SPATA18: variants seen among roughly 807,000 people sequenced by gnomAD.
SPATA18 encodes mitochondria-eating protein.
In SPATA18, 54 loss-of-function variants were observed where a neutral mutation model predicts 68.1. That is an observed-to-expected ratio of 0.79 (90% CI 0.64 to 0.99). The LOEUF (loss-of-function observed/expected upper bound fraction) is 0.99, where lower values mean the gene tolerates loss of function less well. Ranked by LOEUF, SPATA18 falls within the 50% of genes least tolerant of loss-of-function variation. The pLI is 0.00. For synonymous variants in SPATA18, 242 were observed against 244.8 expected (o/e 0.99, Z 0.11); for missense variants, 724 against 681.1 (o/e 1.06, Z -0.70).
At position 52,079,947 on chromosome 4, in the gene SPATA18, G is replaced by A. The variant is rs776043606; in HGVS notation, c.1355+28G>A. ...AAGAGACACAGGAGCAGAAGCTAAG[G>A]GATTTATCATGAATACATTGTCTTG... On this transcript the variant is annotated intron_variant, in intron 9 of 12. Transcript: ENST00000295213. The A allele has an allele frequency of 4.4e-6, 7 of 1,598,080 alleles. No individual in the cohort carries two copies. In the South Asian group the frequency reaches 5.6e-5, roughly 13 times the overall value.
At chr4:52,084,879 CCTGA>C (rs1741278191) in intron 10 of SPATA18, 33 bp from the exon 11 acceptor site, 1 of 1,605,332 alleles carries the variant, frequency 6.2e-7, no homozygotes, top group African/African-American at 1.3e-5. Context: ...TTCACAAACT[CCTGA>C]CTATGTCTCT....
chr4:52,067,357 T>C (rs1739400044), intron 4 of SPATA18, among the ~76,000 whole-genome samples: 1 of 152,196 alleles, frequency 6.6e-6, no homozygotes, highest in African/African-American at 2.4e-5. Flanking sequence ...TGTTTGTTTT[T>C]TTCTTTTAAG....
chr4:52,075,314 G>T (rs1212260547), intron 6 of SPATA18, among the ~76,000 whole-genome samples: 1 of 152,158 alleles, frequency 6.6e-6, no homozygotes, highest in African/African-American at 2.4e-5. Flanking sequence ...TAATGAAAAA[G>T]AATGTGCCAA....
Position 52,060,451 on chromosome 4 carries a change from C to A in SPATA18, c.120C>A (p.Cys40Ter). 6.2e-7 allele frequency: 1 copy of A among 1,614,028 alleles called. No individual in the cohort carries two copies. The highest frequency in any genetic ancestry group is 8.5e-7 in the Non-Finnish European group (1 of 1,179,948). ...TNTCDQNLNH[C>*]LELIEQVAKV... ...CGTGTGATCAAAATCTAAACCATTG[C>A]CTTGAACTCATTGAGCAAGTTGCCA... Residue 40 changes from cysteine to a stop codon, truncating the protein, a stop_gained, in exon 2 of 13, where the codon TGC becomes TGA. Transcript: ENST00000295213. LOFTEE classifies it high-confidence loss of function.
chr4:52,086,539 G>C (rs1251956634), intron 11 of SPATA18, among the ~76,000 whole-genome samples: 3 of 152,168 alleles, frequency 2.0e-5, no homozygotes, highest in Admixed American at 1.3e-4. Context: ...TCTTATGATA[G>C]TTTGCTGAGA....
At chr4:52,065,069 T>A (rs1426467555) in intron 4 of SPATA18, among the ~76,000 whole-genome samples, 1 of 152,234 alleles carries the variant, frequency 6.6e-6, no homozygotes, top group Non-Finnish European at 1.5e-5. Context: ...TGTTTGTGTA[T>A]CTTCTTTTGA....
intron 8 of SPATA18, 108 bp downstream of exon 8, chr4:52,079,001 A>G (rs759806717): frequency 4.4e-5 from 53 of 1,194,650 alleles, no homozygotes; most frequent in Non-Finnish European, 5.9e-5. Context: ...ATTCTATGTA[A>G]TGAAAAAGAA....
chr4:52,072,018 A>C lies in SPATA18; in HGVS notation c.620A>C (p.Lys207Thr). 1 of 1,613,978 alleles carries C rather than the reference A, an allele frequency of 6.2e-7. No individual in the cohort carries two copies. The highest frequency in any genetic ancestry group is 8.5e-7 in the Non-Finnish European group (1 of 1,180,014). The part of the protein sequence containing the change: ...RSEPWSLEER[K>T]REQWNSLKQN... ...GAGCCTTGGAGCTTGGAGGAGCGGA[A>C]GCGTGAGCAGTGGAACTCACTCAAG... Residue 207 changes from lysine (K) to threonine (T), a missense_variant, in exon 6 of 13, where the codon AAG (lysine) becomes ACG (threonine). By Grantham distance (78) the Lys-to-Thr change is moderately conservative (BLOSUM62 -1). Coordinates refer to ENST00000295213, the MANE Select transcript of SPATA18 (RefSeq NM_145263.4).
chr4:52,059,253 C>T (rs1416605672), intron 1 of SPATA18, among the ~76,000 whole-genome samples: 3 of 152,186 alleles, frequency 2.0e-5, no homozygotes, highest in African/African-American at 2.4e-5. Context: ...TTTCTATCTG[C>T]CTTGTACGCT....
Position 52,078,780 on chromosome 4 carries a change from CATGTGAGAAA to C in SPATA18, c.1069_1078del (p.Val357ArgfsTer2). On this transcript the variant is annotated frameshift_variant, in exon 8 of 13. Coordinates refer to ENST00000295213, the MANE Select transcript of SPATA18 (RefSeq NM_145263.4). LOFTEE classifies it high-confidence loss of function. ...AATGGCATTCAGACACTTCAAGATC[CATGTGAGAAA>C]ATCGTTGACACCATCTTATGTGGGG... is the stretch of plus-strand genomic sequence containing the variant. 1 of 1,605,898 alleles carries C rather than the reference CATGTGAGAAA, an allele frequency of 6.2e-7. No homozygotes were observed. The highest frequency in any genetic ancestry group is 8.5e-7 in the Non-Finnish European group (1 of 1,173,488).
Position 52,064,516 on chromosome 4 carries a change from A to G in SPATA18, c.422+2184A>G, listed in dbSNP as rs183304511. ...AGCTTAACTCCCACTTATAAGTGAG[A>G]ACCATATGGTATTTGGTTTTCCATT... On this transcript the variant is annotated intron_variant, in intron 4 of 12. Transcript: ENST00000295213. 1.7e-4 allele frequency among the ~76,000 whole-genome samples: 26 copies of G among 152,270 alleles called. No individual in the cohort carries two copies. The East Asian group carries it at 5.0e-3, about 29-fold the overall frequency.
At chr4:52,086,184 C>T (rs570547611) in intron 11 of SPATA18, among the ~76,000 whole-genome samples, 35 of 152,284 alleles carry the variant, frequency 2.3e-4, no homozygotes, top group African/African-American at 7.9e-4. Flanking sequence ...GCTGTAGCCC[C>T]AAAGTTGCAA....
intron 7 of SPATA18, among the ~76,000 whole-genome samples, 167 bp downstream of exon 7, chr4:52,077,207 T>G (rs1355085032): frequency 6.6e-6 from 1 of 151,348 alleles, no homozygotes; most frequent in Non-Finnish European, 1.5e-5. Context: ...CTCCTTCCCT[T>G]TCTTCCTCCT....
chr4:52,066,412 A>G (rs1739319115), intron 4 of SPATA18, among the ~76,000 whole-genome samples: 2 of 152,166 alleles, frequency 1.3e-5, no homozygotes, highest in South Asian at 4.1e-4. Flanking sequence ...AGCCTCCCAA[A>G]GTGCTGGGAT....
intron 1 of SPATA18, among the ~76,000 whole-genome samples, chr4:52,052,222 C>T (rs1369354011): frequency 6.6e-6 from 1 of 152,214 alleles, no homozygotes; most frequent in East Asian, 1.9e-4. Flanking sequence ...CTCTCCTGCC[C>T]AGGGTTTGTA....
chr4:52,069,862 G>T lies in SPATA18; in HGVS notation c.464G>T (p.Arg155Ile), dbSNP rs759462678. ...TEKNLEESKNRSAISLLAAEE... is the reference protein window; with the variant it reads ...TEKNLEESKNISAISLLAAEE... ...AAGAATCTTGAAGAAAGCAAGAACA[G>T]ATCGGCCATATCCCTTTTGGCTGCA... The change falls in exon 5 of 13, where the codon AGA becomes ATA. Residue 155 changes from arginine to isoleucine, a missense_variant. Arg to Ile is a moderately conservative substitution (Grantham distance 97, BLOSUM62 -3). Coordinates refer to ENST00000295213, the MANE Select transcript of SPATA18 (RefSeq NM_145263.4). 3 of 1,599,188 alleles carry T rather than the reference G, an allele frequency of 1.9e-6. No individual in the cohort carries two copies. The highest frequency in any genetic ancestry group is 2.6e-6 in the Non-Finnish European group (3 of 1,170,818).
At chr4:52,084,573 G>A (rs1236533728) in intron 10 of SPATA18, among the ~76,000 whole-genome samples, 1 of 152,114 alleles carries the variant, frequency 6.6e-6, no homozygotes, top group African/African-American at 2.4e-5. Flanking sequence ...AAATAAAACA[G>A]ATACAAATCT....
At chr4:52,056,646 C>T (rs556716055) in intron 1 of SPATA18, among the ~76,000 whole-genome samples, 49 of 152,184 alleles carry the variant, frequency 3.2e-4, no homozygotes, top group Non-Finnish European at 4.0e-4. Flanking sequence ...ATGCTGAAAT[C>T]GGTGGGACCT....
intron 10 of SPATA18, 55 bp from the exon 11 acceptor site, chr4:52,084,861 T>A (rs1741274965): frequency 6.5e-7 from 1 of 1,548,880 alleles, no homozygotes; most frequent in Admixed American, 1.7e-5. Flanking sequence ...TTTTGAGCCA[T>A]GACAGTTTTC....
Sources: allele counts gnomAD v4.1 joint callset (sites outside exome capture counted in the v4.1 genomes callset), GRCh38; gene constraint gnomAD v4.1.1; transcripts MANE v1.5; gene names NCBI Gene and HGNC (gene_info 2026-07-23, HGNC 2026-07-21).